The following TNN variants were observed in gnomAD, a reference collection of about 807,000 sequenced individuals.
The protein encoded by TNN is tenascin N.
Under a neutral mutation model 134.4 loss-of-function variants are expected in TNN, and 122 were observed. The observed-to-expected ratio is 0.91, with a 90% CI of 0.78 to 1.06. The LOEUF (loss-of-function observed/expected upper bound fraction) is 1.06. Among genes scored for constraint, TNN ranks in the 50% least tolerant of loss-of-function variants. The pLI, the probability that TNN is intolerant of heterozygous loss-of-function variation, is 0.00. For synonymous variants in TNN, 710 were observed against 670.3 expected, an observed-to-expected ratio of 1.06 and a Z score of -0.91; for missense variants, 1,739 against 1,699.4, an observed-to-expected ratio of 1.02 and a Z score of -0.41.
intron 14 of TNN, 36 bp from the exon 15 acceptor site, chr1:175,128,559 C>G (rs1415923581): frequency 6.4e-7 from 1 of 1,574,144 alleles, no homozygotes; most frequent in Admixed American, 1.8e-5. Flanking sequence ...CCTCCTTGCC[C>G]TTGTCCTAAC....
intron 17 of TNN, among the ~76,000 whole-genome samples, chr1:175,137,961 C>T (rs1343809177): frequency 6.6e-6 from 1 of 152,092 alleles, no homozygotes; most frequent in Non-Finnish European, 1.5e-5. Flanking sequence ...AGAAGGTGGG[C>T]ACATGGAGTA....
intron 4 of TNN, among the ~76,000 whole-genome samples, chr1:175,082,385 C>T (rs139301458): frequency 1.2e-4 from 18 of 152,342 alleles, no homozygotes; most frequent in African/African-American, 4.3e-4. Context: ...GTACTCATCC[C>T]CACCATAATC....
intron 17 of TNN, among the ~76,000 whole-genome samples, chr1:175,137,404 T>G (rs1254205530): frequency 1.3e-5 from 1 of 76,780 alleles, no homozygotes; most frequent in Non-Finnish European, 3.3e-5. Context: ...TTATTTGAGC[T>G]TTTGGTGGCA....
At chr1:175,127,739 G>C (rs1229840810) in intron 13 of TNN, among the ~76,000 whole-genome samples, 1 of 152,208 alleles carries the variant, frequency 6.6e-6, no homozygotes, top group African/African-American at 2.4e-5. Flanking sequence ...GCCCCTGTGT[G>C]TATCTGAAGG....
At chr1:175,133,734 T>C (rs933915259) in intron 15 of TNN, among the ~76,000 whole-genome samples, 2 of 152,224 alleles carry the variant, frequency 1.3e-5, no homozygotes, top group African/African-American at 4.8e-5. Flanking sequence ...CATGCTTCTC[T>C]GTACTAATTA....
chr1:175,108,505 G>A (rs1470447845), intron 9 of TNN, among the ~76,000 whole-genome samples: 2 of 152,260 alleles, frequency 1.3e-5, no homozygotes, highest in East Asian at 3.8e-4. Flanking sequence ...CCGTGGAGCA[G>A]GGGATGGTAT....
At chr1:175,075,067 G>A (rs923575502) in intron 1 of TNN, among the ~76,000 whole-genome samples, 3 of 152,228 alleles carry the variant, frequency 2.0e-5, no homozygotes, top group African/African-American at 7.2e-5. Flanking sequence ...CCAATGCCTA[G>A]TGCGTAGCAG....
In TNN at chr1:175,123,544, G is replaced by A. The variant is rs150129200; in HGVS notation, c.2795G>A (p.Gly932Glu). ...ADGETREVPV[G>E]KEHSSTVLTG... The stretch of plus-strand genomic sequence containing the variant: ...GGAGAGACCAGGGAGGTTCCGGTGG[G>A]GAAGGAGCACAGCAGCACTGTCCTG... Residue 932 changes from glycine (G) to glutamate (E), a missense_variant, in exon 12 of 19, where the codon GGG becomes GAG. Physicochemically the swap from Gly to Glu is moderately conservative, Grantham distance 98 (BLOSUM62 -2). Coordinates refer to ENST00000239462, the MANE Select transcript of TNN (RefSeq NM_022093.2). 508 of 1,614,048 alleles carry A rather than the reference G, an allele frequency of 3.1e-4. 1 individual carries two copies. In the African/African-American group the frequency reaches 3.9e-3, roughly 12 times the overall value.
Position 175,111,045 on chromosome 1 carries a change from C to T in TNN, c.2120-5894C>T, listed in dbSNP as rs957678561. Among the ~76,000 whole-genome samples the T allele has an allele frequency of 3.3e-5, 5 of 151,608 alleles. No homozygotes were observed. The East Asian group carries it at 5.8e-4, about 18-fold the overall frequency. On this transcript the variant is annotated intron_variant, in intron 9 of 18. Coordinates refer to ENST00000239462, the MANE Select transcript of TNN (RefSeq NM_022093.2). ...CAAGAAAAAAAAAAAGGGCTGGGTGCGGTAGCTCACGCCTGTAATCCCAGT... is the reference window on the plus strand; with the variant it reads ...CAAGAAAAAAAAAAAGGGCTGGGTGTGGTAGCTCACGCCTGTAATCCCAGT...
At chr1:175,081,714 C>G (rs1674201148) in intron 4 of TNN, among the ~76,000 whole-genome samples, 1 of 152,166 alleles carries the variant, frequency 6.6e-6, no homozygotes, top group African/African-American at 2.4e-5. Context: ...CTTGATTGTT[C>G]TAGCATGGGT....
At chr1:175,116,171 A>G (rs1251230081) in intron 9 of TNN, among the ~76,000 whole-genome samples, 2 of 152,196 alleles carry the variant, frequency 1.3e-5, no homozygotes, top group African/African-American at 4.8e-5. Context: ...CTCATATAAT[A>G]TTCACAATAA....
intron 9 of TNN, among the ~76,000 whole-genome samples, chr1:175,099,135 T>G (rs915904451): frequency 6.6e-6 from 1 of 152,212 alleles, no homozygotes; most frequent in South Asian, 2.1e-4. Context: ...CCTACTTCCC[T>G]ACATGAAATC....
At chr1:175,097,330 A>T in intron 7 of TNN, 87 bp from the exon 8 acceptor site, 1 of 1,516,216 alleles carries the variant, frequency 6.6e-7, no homozygotes, top group Non-Finnish European at 9.0e-7. Flanking sequence ...ACATTTGTTG[A>T]GGTTATCACT....
At chr1:175,091,964 C>A (rs1007045623) in intron 6 of TNN, among the ~76,000 whole-genome samples, 1 of 152,120 alleles carries the variant, frequency 6.6e-6, no homozygotes, top group Non-Finnish European at 1.5e-5. Context: ...GTCCTGGAAG[C>A]AATGGTAGCA....
intron 11 of TNN, among the ~76,000 whole-genome samples, chr1:175,121,501 A>T (rs917551877): frequency 2.0e-5 from 3 of 152,226 alleles, no homozygotes; most frequent in African/African-American, 4.8e-5. Context: ...TAGAAGAGTG[A>T]TATGATGCAG....
chr1:175,084,298 G>C (rs947708144), intron 5 of TNN, among the ~76,000 whole-genome samples: 1 of 152,008 alleles, frequency 6.6e-6, no homozygotes, highest in Non-Finnish European at 1.5e-5. Flanking sequence ...GGACAGGAGG[G>C]AACAGAAAGA....
intron 1 of TNN, among the ~76,000 whole-genome samples, chr1:175,069,856 C>T (rs991387347): frequency 2.0e-4 from 31 of 152,228 alleles, no homozygotes; most frequent in African/African-American, 7.0e-4. Flanking sequence ...CAAACGCTCT[C>T]CTCCTTGCTA....
At chr1:175,137,024 T>C (rs1436710426) in intron 17 of TNN, 36 bp downstream of exon 17, 6 of 1,605,800 alleles carry the variant, frequency 3.7e-6, no homozygotes, top group African/African-American at 1.3e-5. Context: ...GAAGGTCTCT[T>C]GCTGTCTGTT....
intron 2 of TNN, among the ~76,000 whole-genome samples, chr1:175,078,943 T>G (rs1674120733): frequency 6.6e-6 from 1 of 152,022 alleles, no homozygotes; most frequent in South Asian, 2.1e-4. Flanking sequence ...TGCCCTGCAG[T>G]GTCAGCTGGC....
Sources: gnomAD v4.1 joint callset for allele counts (sites outside exome capture counted in the v4.1 genomes callset) on GRCh38, gnomAD v4.1.1 for gene constraint, MANE v1.5 for transcripts, NCBI Gene and HGNC (gene_info 2026-07-23, HGNC 2026-07-21) for gene names.